Variants in DHRSX observed in about 807,000 individuals in gnomAD.
DHRSX encodes the protein dehydrogenase/reductase X-linked, also known as polyprenol dehydrogenase.
A neutral mutation model predicts 34.0 loss-of-function variants in DHRSX; 31 were observed. That is an observed-to-expected ratio of 0.91 (90% CI 0.69 to 1.23). The LOEUF is 1.23. Among genes scored for constraint, DHRSX ranks in the 50% most tolerant of loss-of-function variants. DHRSX has a pLI of 0.00. For synonymous variants in DHRSX, 201 were observed against 183.8 expected (o/e 1.09, Z -0.76); for missense variants, 414 against 428.1 (o/e 0.97, Z 0.29).
Position 2,399,725 on chromosome X carries a change from C to CAAAAAAAAAAAAAA in DHRSX, c.286+9006_286+9019dup, listed in dbSNP as rs779558142. On this transcript the variant is annotated intron_variant, in intron 3 of 6. Transcript: ENST00000334651. ...CGTCTCAAAACAAACAAACAAAAAG[C>CAAAAAAAAAAAAAA]AAAAAAAAAAAAAAAAACAAAAAAA... Among the ~76,000 whole-genome samples, 164 of 35,100 alleles carry CAAAAAAAAAAAAAA rather than the reference C, an allele frequency of 4.7e-3. 2 individuals are homozygous for CAAAAAAAAAAAAAA. The highest frequency in any genetic ancestry group is 0.028 in the Middle Eastern group (1 of 36). The allele number at this position is 35,100 out of a possible 152,430, so 23.0% of individuals were successfully genotyped here. A position where few individuals can be genotyped will look rare whatever the true frequency, so the allele number is the denominator to read the frequency against.
intron 1 of DHRSX, among the ~76,000 whole-genome samples, chrX:2,433,115 CA>C (rs1004038641): frequency 6.8e-6 from 1 of 146,958 alleles, no homozygotes; most frequent in Non-Finnish European, 1.5e-5. Flanking sequence ...GACACTATCT[CA>C]AAAAAAAAAT....
At chrX:2,293,570 G>C (rs1268350018) in intron 3 of DHRSX, among the ~76,000 whole-genome samples, 6 of 152,116 alleles carry the variant, frequency 3.9e-5, no homozygotes, top group Non-Finnish European at 8.8e-5. Flanking sequence ...AATGGTGTGA[G>C]GTGGAAGAGC....
chrX:2,436,461 A>ATATTATTATTAT lies in DHRSX; in HGVS notation c.110-11169_110-11158dup, dbSNP rs1236612938. Among the ~76,000 whole-genome samples the ATATTATTATTAT allele has an allele frequency of 7.7e-3, 998 of 129,230 alleles. 8 individuals carry two copies. The highest frequency in any genetic ancestry group is 9.3e-3 in the Non-Finnish European group (574 of 62,024). The allele number at this position is 129,230 out of a possible 152,430, so 84.8% of individuals were successfully genotyped here. A position where few individuals can be genotyped will look rare whatever the true frequency, so the allele number is the denominator to read the frequency against. On this transcript the variant is annotated intron_variant, in intron 1 of 6. Coordinates refer to ENST00000334651, the MANE Select transcript of DHRSX (RefSeq NM_145177.3). ...AAGCAGCAATTACTTTTGCAGCAAC[A>ATATTATTATTAT]TATTATTATTATTATTATTATTATT...
chrX:2,439,841 C>G (rs779646813), intron 1 of DHRSX, among the ~76,000 whole-genome samples: 73 of 152,256 alleles, frequency 4.8e-4, no homozygotes, highest in African/African-American at 1.6e-3. Context: ...CTATGGGGAG[C>G]AGCTGTCAAT....
chrX:2,322,491 C>T (rs2042323878), intron 3 of DHRSX, among the ~76,000 whole-genome samples: 1 of 149,338 alleles, frequency 6.7e-6, no homozygotes, highest in Non-Finnish European at 1.5e-5. Flanking sequence ...GTAGGCTGTA[C>T]TGAGCAGAGA....
intron 3 of DHRSX, among the ~76,000 whole-genome samples, chrX:2,373,282 T>G (rs1038384563): frequency 2.0e-5 from 3 of 152,134 alleles, no homozygotes; most frequent in Non-Finnish European, 4.4e-5. Context: ...GCCATGTGGG[T>G]GGGGACACAG....
rs1375603051 is a variant in DHRSX at position 2,221,338 on chromosome X, C to A, written c.805-109G>T. ...GGGACAGGTGGAATATACTCATCAG[C>A]TGCACTGAGAAATGTATGCAAAAAG... On this transcript the variant is annotated intron_variant, in intron 6 of 6. Coordinates refer to ENST00000334651, the MANE Select transcript of DHRSX (RefSeq NM_145177.3). 5 of 1,122,956 alleles carry A rather than the reference C, an allele frequency of 4.5e-6. No homozygotes were observed. In the African/African-American group the frequency reaches 6.3e-5, roughly 14 times the overall value. 69.6% of individuals were successfully genotyped at this position (1,122,956 alleles called of 1,614,324 possible).
chrX:2,287,951 C>A (rs2041824266), intron 4 of DHRSX, among the ~76,000 whole-genome samples: 1 of 152,092 alleles, frequency 6.6e-6, no homozygotes, highest in South Asian at 2.1e-4. Context: ...ATGTCCATGT[C>A]CTCATCTCTG....
At chrX:2,393,568 C>T in intron 3 of DHRSX, among the ~76,000 whole-genome samples, 1 of 150,880 alleles carries the variant, frequency 6.6e-6, no homozygotes, top group African/African-American at 2.5e-5. Flanking sequence ...GCACACAGGA[C>T]ACCCAGGGAC....
intron 5 of DHRSX, among the ~76,000 whole-genome samples, chrX:2,258,272 C>G (rs1407439980): frequency 6.6e-6 from 1 of 152,016 alleles, no homozygotes; most frequent in African/African-American, 2.4e-5. Flanking sequence ...CACACACACA[C>G]ACAAAGGGAC....
At chrX:2,291,012 A>G (rs2041858744) in intron 4 of DHRSX, among the ~76,000 whole-genome samples, 3 of 152,190 alleles carry the variant, frequency 2.0e-5, no homozygotes, top group South Asian at 4.1e-4. Context: ...GAAGGGCTCA[A>G]GGTCAAGGGT....
chrX:2,256,396 A>G (rs1296739066), intron 5 of DHRSX, among the ~76,000 whole-genome samples: 14 of 151,062 alleles, frequency 9.3e-5, no homozygotes, highest in Non-Finnish European at 1.9e-4. Context: ...CCCGGGTTCA[A>G]ACAATTCTCC....
intron 6 of DHRSX, among the ~76,000 whole-genome samples, chrX:2,223,735 T>C (rs1029481633): frequency 6.6e-5 from 10 of 151,936 alleles, no homozygotes; most frequent in Non-Finnish European, 1.0e-4. Flanking sequence ...TGTTTCATGC[T>C]TCTCTCTTTT....
In DHRSX at chrX:2,455,892, A is replaced by G. The variant is rs183617202; in HGVS notation, c.110-30588T>C. 4.7e-3 allele frequency among the ~76,000 whole-genome samples: 710 copies of G among 152,070 alleles called. 6 individuals are homozygous for G. Among genetic ancestry groups the G allele is most frequent in the African/African-American group, 0.016 (669 of 41,514 alleles). The stretch of plus-strand genomic sequence containing the variant: ...ATTTCCAGAGGCAGGACTTCACGAC[A>G]CCAACGTTGAGTGTCAAAAGGATTC... On this transcript the variant is annotated intron_variant, in intron 1 of 6. Transcript: ENST00000334651.
rs143878417 is a variant in DHRSX, at chrX:2,284,438, G to A, written c.388+7064C>T. On this transcript the variant is annotated intron_variant, in intron 4 of 6. Transcript: ENST00000334651. ...TGAATGAATGAATGAATGAATGGGT[G>A]AATGAAGAACTGTACCAAAAAACAG... Among the ~76,000 whole-genome samples the A allele has an allele frequency of 9.0e-3, 1,361 of 151,142 alleles. 18 individuals carry two copies. The highest frequency in any genetic ancestry group is 0.031 in the African/African-American group (1,298 of 41,542).
chrX:2,322,263 TC>T (rs1378771625), intron 3 of DHRSX, among the ~76,000 whole-genome samples: 1 of 152,060 alleles, frequency 6.6e-6, no homozygotes, highest in Non-Finnish European at 1.5e-5. Flanking sequence ...GAATAAAAGT[TC>T]CTTATCAGGC....
chrX:2,408,720 A>C, intron 3 of DHRSX, 25 bp downstream of exon 3: 5 of 1,587,152 alleles, frequency 3.2e-6, no homozygotes, highest in Non-Finnish European at 4.3e-6. Flanking sequence ...AAACAAAAAA[A>C]AGCCATTGGA....
At chrX:2,489,529 C>T in intron 1 of DHRSX, 1 of 1,612,998 alleles carries the variant, frequency 6.2e-7, no homozygotes, top group Non-Finnish European at 8.5e-7. Flanking sequence ...GGAGCTCCAC[C>T]AGCCCCTCGA....
chrX:2,476,214 C>T (rs1272014696), intron 1 of DHRSX, among the ~76,000 whole-genome samples: 2 of 150,394 alleles, frequency 1.3e-5, no homozygotes, highest in Admixed American at 1.3e-4. Context: ...ATGGTGAAAC[C>T]CTGTCTCTAC....
Sources: allele counts gnomAD v4.1 joint callset (sites outside exome capture counted in the v4.1 genomes callset), GRCh38; gene constraint gnomAD v4.1.1; transcripts MANE v1.5; gene names NCBI Gene and HGNC (gene_info 2026-07-23, HGNC 2026-07-21).